GFRA2: variants seen among roughly 807,000 people sequenced by gnomAD.
The protein encoded by GFRA2 is GDNF family receptor alpha 2.
GFRA2 carries 17 observed loss-of-function variants against 48.3 expected under a neutral mutation model. That is an observed-to-expected ratio of 0.35 (90% confidence interval 0.24 to 0.53). The LOEUF (loss-of-function observed/expected upper bound fraction) is 0.53. Ranked by LOEUF, GFRA2 falls within the 20% of genes least tolerant of loss-of-function variation. GFRA2 has a pLI of 0.93. For synonymous variants in GFRA2, 305 were observed against 257.2 expected (o/e 1.19, Z -1.78); for missense variants, 660 against 637.3 (o/e 1.04, Z -0.38).
intron 4 of GFRA2, among the ~76,000 whole-genome samples, chr8:21,716,930 T>C (rs2117425980): frequency 6.6e-6 from 1 of 152,362 alleles, no homozygotes. Context: ...CCCCCAGCAC[T>C]AGCTGCTGCT....
At chr8:21,702,623 C>G (rs1468369128) in intron 7 of GFRA2, among the ~76,000 whole-genome samples, 182 bp downstream of exon 7, 1 of 152,248 alleles carries the variant, frequency 6.6e-6, no homozygotes, top group South Asian at 2.1e-4. Flanking sequence ...AGGGGTTTAA[C>G]ACTTGCAAGA....
chr8:21,710,408 C>A (rs1037358003), intron 4 of GFRA2, among the ~76,000 whole-genome samples: 1 of 152,240 alleles, frequency 6.6e-6, no homozygotes, highest in East Asian at 1.9e-4. Context: ...GAAAAACAGA[C>A]CCACTTATCC....
At chr8:21,703,029 C>T in intron 6 of GFRA2, 52 bp from the exon 7 acceptor site, 3 of 1,168,732 alleles carry the variant, frequency 2.6e-6, no homozygotes, top group Non-Finnish European at 2.4e-6. Flanking sequence ...ACGTCCGTCA[C>T]TCCTGTCCCT....
Position 21,768,145 on chromosome 8 carries a change from C to T in GFRA2, c.439+6827G>A, listed in dbSNP as rs1049006766. Among the ~76,000 whole-genome samples, 95 of 152,296 alleles carry T rather than the reference C, an allele frequency of 6.2e-4. 1 individual carries two copies. Among genetic ancestry groups the T allele is most frequent in the African/African-American group, 2.3e-3 (94 of 41,578 alleles). On this transcript the variant is annotated intron_variant, in intron 3 of 8. Coordinates refer to ENST00000524240, the MANE Select transcript of GFRA2 (RefSeq NM_001495.5). ...CGTCTCCATAGCCCCCACTCTCTTG[C>T]ACCCCACACCTGCTCCTTGGCCATC...
rs912138298 is a variant in GFRA2, at chr8:21,788,812, C to G, written c.-653G>C. 1 of 984,674 alleles carries G rather than the reference C, an allele frequency of 1.0e-6. No homozygotes were observed. Among genetic ancestry groups the G allele is most frequent in the Non-Finnish European group, 1.2e-6 (1 of 829,268 alleles). 61.0% of individuals were successfully genotyped at this position (984,674 alleles called of 1,614,324 possible). A position where few individuals can be genotyped will look rare whatever the true frequency, so the allele number is the denominator to read the frequency against. On this transcript the variant is annotated 5_prime_UTR_variant, in exon 1 of 9. Coordinates refer to ENST00000524240, the MANE Select transcript of GFRA2 (RefSeq NM_001495.5). The stretch of plus-strand genomic sequence containing the variant: ...TGTGTCTCTGCGTGCGTGTGTCTTT[C>G]TCTCTCCTCTCTCTCTCTCTCCTCT...
chr8:21,697,565 G>C (rs1414555810), intron 7 of GFRA2, among the ~76,000 whole-genome samples: 1 of 152,110 alleles, frequency 6.6e-6, no homozygotes, highest in East Asian at 1.9e-4. Context: ...GACCACCTCT[G>C]ATGCCAAAAC....
At chr8:21,776,399 C>G (rs760862392) in intron 2 of GFRA2, among the ~76,000 whole-genome samples, 10 of 151,956 alleles carry the variant, frequency 6.6e-5, no homozygotes, top group Non-Finnish European at 1.5e-4. Context: ...AACCCTCATG[C>G]CCCGCAACAC....
In GFRA2 at chr8:21,750,749, C is replaced by A. The variant is rs1460045999; in HGVS notation, c.633G>T (p.Val211=). The A allele has an allele frequency of 4.3e-6, 7 of 1,613,874 alleles. No homozygotes were observed. The African/African-American group carries it at 6.7e-5, about 15-fold the overall frequency. ...GCATGCGGTAGGTGTACTCGCTGGG[C>A]ACCCGGTCGAAGAACTGGCGCAGGG... ...HKALRQFFDR[V]PSEYTYRMLF... Residue 211 remains valine (V), a synonymous_variant, in exon 4 of 9, where the codon GTG becomes GTT. Transcript: ENST00000524240. The surrounding 1 kb of genome is among the most constrained non-coding windows in gnomAD (Gnocchi z 5.7).
chr8:21,711,713 T>C (rs915284845), intron 4 of GFRA2, among the ~76,000 whole-genome samples: 13 of 151,932 alleles, frequency 8.6e-5, no homozygotes, highest in Non-Finnish European at 1.5e-4. Flanking sequence ...TGATCATTCT[T>C]GGGTGTTTCT....
intron 4 of GFRA2, among the ~76,000 whole-genome samples, chr8:21,707,991 A>T (rs971078895): frequency 3.3e-5 from 5 of 152,262 alleles, no homozygotes; most frequent in African/African-American, 1.2e-4. Context: ...GCTGAGCCTC[A>T]GAGAAGCTAA....
chr8:21,738,288 C>A (rs1314557937), intron 4 of GFRA2, among the ~76,000 whole-genome samples: 1 of 149,130 alleles, frequency 6.7e-6, no homozygotes, highest in Non-Finnish European at 1.5e-5. Context: ...AGGCCACAGA[C>A]CTTAGCACCA....
intron 4 of GFRA2, among the ~76,000 whole-genome samples, chr8:21,746,364 C>T (rs886802008): frequency 3.9e-5 from 6 of 152,178 alleles, no homozygotes; most frequent in Admixed American, 1.3e-4. Flanking sequence ...CGCCCTCATT[C>T]CTTCCCTACC....
chr8:21,769,221 C>T (rs4073392), intron 3 of GFRA2: 371,442 of 967,728 alleles, frequency 0.38, 77,324 homozygotes, highest in African/African-American at 0.76. Flanking sequence ...ACAAAACATG[C>T]TCCTCCGAAG....
intron 3 of GFRA2, among the ~76,000 whole-genome samples, chr8:21,763,068 G>A (rs1392977958): frequency 1.3e-5 from 2 of 152,072 alleles, no homozygotes; most frequent in African/African-American, 4.8e-5. Context: ...ACCATAAGAA[G>A]TCCACATCAA....
intron 3 of GFRA2, among the ~76,000 whole-genome samples, chr8:21,767,827 C>T (rs1168251213): frequency 1.3e-5 from 2 of 152,234 alleles, no homozygotes; most frequent in African/African-American, 2.4e-5. Context: ...GTTCCCTCCT[C>T]GTCTTTTTCA....
intron 4 of GFRA2, among the ~76,000 whole-genome samples, chr8:21,723,980 T>C (rs1233912884): frequency 1.3e-5 from 2 of 152,086 alleles, no homozygotes; most frequent in African/African-American, 4.8e-5. Flanking sequence ...GCAGAAGGAA[T>C]GGACGCTGGC....
chr8:21,755,651 G>A (rs554937986), intron 3 of GFRA2, among the ~76,000 whole-genome samples: 42 of 148,210 alleles, frequency 2.8e-4, no homozygotes, highest in Non-Finnish European at 4.7e-4. Flanking sequence ...GGCCGGGGGA[G>A]GGGTCCTGGA....
chr8:21,744,024 C>T (rs966614378), intron 4 of GFRA2, among the ~76,000 whole-genome samples: 3 of 152,186 alleles, frequency 2.0e-5, no homozygotes, highest in Non-Finnish European at 2.9e-5. Flanking sequence ...CACGTAACCC[C>T]GTGCAAGTAA....
At chr8:21,807,879 A>G (rs910323065) in intron 1 of GFRA2, among the ~76,000 whole-genome samples, 1 of 152,236 alleles carries the variant, frequency 6.6e-6, no homozygotes, top group African/African-American at 2.4e-5. Context: ...CATCATGCCA[A>G]TGCTAGAAGC....
Sources: allele counts gnomAD v4.1 joint callset (sites outside exome capture counted in the v4.1 genomes callset), GRCh38; gene constraint gnomAD v4.1.1; non-coding constraint Gnocchi (gnomAD v3.1); transcripts MANE v1.5; gene names NCBI Gene and HGNC (gene_info 2026-07-23, HGNC 2026-07-21).